Variants in ANKFN1 observed in about 807,000 individuals in gnomAD.
The protein encoded by ANKFN1 is ankyrin repeat and fibronectin type-III domain-containing protein 1.
ANKFN1 carries 74 observed loss-of-function variants against 108.7 expected under a neutral mutation model. The observed-to-expected ratio is 0.68, with a 90% CI of 0.56 to 0.83. ANKFN1 has a LOEUF of 0.83. Ranked by LOEUF, ANKFN1 falls within the 40% of genes least tolerant of loss-of-function variation. The probability of loss-of-function intolerance (pLI) is 0.00; values close to 1 mark genes in which losing one functional copy is unlikely to be tolerated. For missense variants in ANKFN1, 1,505 were observed against 1,382.3 expected, an observed-to-expected ratio of 1.09 and a Z score of -1.41; for synonymous variants, 547 against 516.2, an observed-to-expected ratio of 1.06 and a Z score of -0.81.
rs369385149 is a variant in ANKFN1, at chr17:56,354,056, C to G, written c.601+10C>G. On this transcript the variant is annotated intron_variant, in intron 6 of 20. Coordinates refer to ENST00000682825, the MANE Select transcript of ANKFN1 (RefSeq NM_001370326.1). ...CGAGAAAGTCCACACTGTAAGTAAC[C>G]TGAGAATAAACACATGTACTATTAA... The G allele has an allele frequency of 6.2e-7, 1 of 1,612,498 alleles. No homozygotes were observed.
At chr17:56,154,033 T>G (rs955792741) in intron 1 of ANKFN1, among the ~76,000 whole-genome samples, 7 of 151,112 alleles carry the variant, frequency 4.6e-5, no homozygotes, top group African/African-American at 1.5e-4. Context: ...GGAAGTGGAT[T>G]TTTTTTTTGT....
At chr17:56,409,544 T>C (rs894560388) in intron 8 of ANKFN1, among the ~76,000 whole-genome samples, 7 of 152,194 alleles carry the variant, frequency 4.6e-5, no homozygotes, top group African/African-American at 1.4e-4. Context: ...GTGTCATTTA[T>C]TTAAAAGTTT....
At chr17:56,232,214 T>C (rs1916788817) in intron 3 of ANKFN1, among the ~76,000 whole-genome samples, 1 of 152,176 alleles carries the variant, frequency 6.6e-6, no homozygotes, top group Non-Finnish European at 1.5e-5. Flanking sequence ...GTTATCCTTT[T>C]CCATTTATCC....
chr17:56,419,803 C>T (rs1229770271), intron 8 of ANKFN1, among the ~76,000 whole-genome samples: 2 of 126,530 alleles, frequency 1.6e-5, no homozygotes, highest in East Asian at 2.0e-4. Flanking sequence ...AGAAAGAGAC[C>T]CTGTCTCAAA....
intron 14 of ANKFN1, among the ~76,000 whole-genome samples, chr17:56,465,400 T>G (rs1375547174): frequency 6.6e-6 from 1 of 152,218 alleles, no homozygotes; most frequent in Non-Finnish European, 1.5e-5. Flanking sequence ...TTTTCATAGA[T>G]GTAGATGTTG....
At chr17:56,108,667 G>A (rs1003372788) in intron 4 of ANKFN1, among the ~76,000 whole-genome samples, 5 of 152,122 alleles carry the variant, frequency 3.3e-5, no homozygotes, top group Admixed American at 6.5e-5. Flanking sequence ...CCAGAGTTCT[G>A]GCAAATGAAC....
At chr17:56,214,497 T>C (rs1482715545) in intron 2 of ANKFN1, among the ~76,000 whole-genome samples, 4 of 152,226 alleles carry the variant, frequency 2.6e-5, no homozygotes, top group Non-Finnish European at 4.4e-5. Context: ...AAAAATGGGA[T>C]GATGCTCCCT....
At chr17:56,486,606 C>T (rs371832792) in intron 18 of ANKFN1, among the ~76,000 whole-genome samples, 1 of 152,122 alleles carries the variant, frequency 6.6e-6, no homozygotes, top group South Asian at 2.1e-4. Flanking sequence ...TGGTCCTAAG[C>T]CTCTCTAAGA....
At chr17:56,096,617 G>T (rs957708371) in intron 4 of ANKFN1, among the ~76,000 whole-genome samples, 15 of 152,188 alleles carry the variant, frequency 9.9e-5, no homozygotes, top group Non-Finnish European at 2.2e-4. Flanking sequence ...CAAAAATGCT[G>T]GCGAGGTTGC....
intron 8 of ANKFN1, among the ~76,000 whole-genome samples, chr17:56,389,022 A>C (rs1400860956): frequency 2.6e-5 from 4 of 152,130 alleles, no homozygotes; most frequent in African/African-American, 9.7e-5. Flanking sequence ...AAAAAAAAAA[A>C]AAACTAAACA....
chr17:56,124,128 G>A (rs58161109), intron 4 of ANKFN1, among the ~76,000 whole-genome samples: 77,900 of 151,984 alleles, frequency 0.51, 20,440 homozygotes, highest in East Asian at 0.81. Context: ...TAAAATTCAG[G>A]TTCTGATTCA....
intron 4 of ANKFN1, among the ~76,000 whole-genome samples, chr17:56,099,335 AATCTC>A (rs1905595159): frequency 6.6e-6 from 1 of 152,158 alleles, no homozygotes; most frequent in African/African-American, 2.4e-5. Context: ...ATATCTGAAA[AATCTC>A]AGGTGAATAG....
chr17:56,473,157 T>C (rs1315437669), intron 15 of ANKFN1: 1 of 152,092 alleles, frequency 6.6e-6, no homozygotes, highest in Non-Finnish European at 1.5e-5. Context: ...TGATACATAG[T>C]AAGTGCTCAG....
chr17:56,293,912 G>A (rs529308935), intron 3 of ANKFN1, among the ~76,000 whole-genome samples: 40 of 152,106 alleles, frequency 2.6e-4, no homozygotes, highest in African/African-American at 8.2e-4. Context: ...TGGAATGCAG[G>A]CCCCCACAAG....
rs150601097 is a variant in ANKFN1, at chr17:56,316,947, G to T, written c.54-9274G>T. On this transcript the variant is annotated intron_variant, in intron 3 of 20. Transcript: ENST00000682825. ...TAATGAGTGAGGCACATCTACATTA[G>T]TTCCTTTTTAAAAAAGAAAACATTC... Among the ~76,000 whole-genome samples the T allele has an allele frequency of 1.0e-3, 158 of 152,274 alleles. 1 individual carries two copies. The highest frequency in any genetic ancestry group is 1.7e-3 in the Non-Finnish European group (113 of 68,006).
rs1336965969 is a variant in ANKFN1 at position 56,172,179 on chromosome 17, CTT to C, written c.-71+18650_-71+18651del. ...ATTAATCTCAACGTGATAAATAACT[CTT>C]AGCCTCTGATGAGACAAAGTAGAAC... On this transcript the variant is annotated intron_variant, in intron 1 of 20. Coordinates refer to ENST00000682825, the MANE Select transcript of ANKFN1 (RefSeq NM_001370326.1). 3.9e-5 allele frequency among the ~76,000 whole-genome samples: 6 copies of C among 152,120 alleles called. No individual in the cohort carries two copies. In the South Asian group the frequency reaches 1.0e-3, roughly 26 times the overall value.
chr17:56,473,566 G>A (rs1333329945), intron 15 of ANKFN1: 1 of 150,658 alleles, frequency 6.6e-6, no homozygotes, highest in Non-Finnish European at 1.5e-5. Context: ...GGGAAGCTGA[G>A]GCAGGAGAAT....
At chr17:56,470,571 C>T (rs1406629466) in intron 15 of ANKFN1, among the ~76,000 whole-genome samples, 1 of 152,160 alleles carries the variant, frequency 6.6e-6, no homozygotes, top group African/African-American at 2.4e-5. Context: ...CCTAATCATT[C>T]TGTGGGGCAT....
At chr17:56,192,164 T>G (rs1370200823) in intron 1 of ANKFN1, among the ~76,000 whole-genome samples, 1 of 151,078 alleles carries the variant, frequency 6.6e-6, no homozygotes, top group Non-Finnish European at 1.5e-5. Context: ...GATTCCCTAT[T>G]TAATAAATGG....
Sources: allele counts gnomAD v4.1 joint callset (sites outside exome capture counted in the v4.1 genomes callset), GRCh38; gene constraint gnomAD v4.1.1; transcripts MANE v1.5; gene names NCBI Gene and HGNC (gene_info 2026-07-23, HGNC 2026-07-21).